SAP30L: variants seen among roughly 807,000 people sequenced by gnomAD.
SAP30L encodes the protein SAP30 like.
Under a neutral mutation model 22.3 loss-of-function variants are expected in SAP30L, and 10 were observed. That is an observed-to-expected ratio of 0.45 (90% CI 0.28 to 0.76). SAP30L has a LOEUF of 0.76. Among genes scored for constraint, SAP30L ranks in the 30% least tolerant of loss-of-function variants. The probability of loss-of-function intolerance (pLI) is 0.14; values close to 1 mark genes in which losing one functional copy is unlikely to be tolerated. For synonymous variants in SAP30L, 91 were observed against 94.1 expected (o/e 0.97, Z 0.19); for missense variants, 206 against 237.9 (o/e 0.87, Z 0.88).
At position 154,446,945 on chromosome 5, in the gene SAP30L, C is replaced by T. The variant is rs905828624; in HGVS notation, c.201+140C>T. The T allele has an allele frequency of 7.6e-6, 5 of 658,034 alleles. No individual in the cohort carries two copies. In the Admixed American group the frequency reaches 9.2e-5, roughly 12 times the overall value. 40.8% of individuals were successfully genotyped at this position (658,034 alleles called of 1,614,324 possible). On this transcript the variant is annotated intron_variant, in intron 1 of 3. Transcript: ENST00000297109. ...CTCTGCAGAACTGAGTTGGACTCCG[C>T]ATTTCAAAGGCCGCTCCAGCGCTGA...
intron 3 of SAP30L, among the ~76,000 whole-genome samples, chr5:154,454,610 C>A (rs1177358497): frequency 1.3e-5 from 2 of 152,102 alleles, no homozygotes; most frequent in Admixed American, 1.3e-4. Flanking sequence ...CTTGCTCGAC[C>A]GTCACTTTTT....
At position 154,456,080 on chromosome 5, in the gene SAP30L, T is replaced by C. The variant is rs1347275829; in HGVS notation, c.*52T>C. 1.5e-5 allele frequency: 24 copies of C among 1,574,164 alleles called. No individual in the cohort carries two copies. The highest frequency in any genetic ancestry group is 2.1e-5 in the Non-Finnish European group (24 of 1,158,470). ...AGTGTAATGCTTGATGCACAGGTGA[T>C]ATCTACTACATTTAAGCCCATAAAG... On this transcript the variant is annotated 3_prime_UTR_variant, in exon 4 of 4. Coordinates refer to ENST00000297109, the MANE Select transcript of SAP30L (RefSeq NM_024632.6).
At chr5:154,452,442 A>G in intron 2 of SAP30L, 1 of 983,266 alleles carries the variant, frequency 1.0e-6, no homozygotes, top group Non-Finnish European at 1.2e-6. Context: ...TTGATCATTC[A>G]TTTTGTTTTT....
At position 154,453,519 on chromosome 5, in the gene SAP30L, C is replaced by T; in HGVS notation, c.423+19C>T. On this transcript the variant is annotated intron_variant, in intron 3 of 3. Coordinates refer to ENST00000297109, the MANE Select transcript of SAP30L (RefSeq NM_024632.6). ...AGCAGAAGTAGGTAGACAAAATTGC[C>T]CTCTAAAGAGAGCCAGCATTGTGCT... 6.6e-7 allele frequency: 1 copy of T among 1,520,736 alleles called. No homozygotes were observed. The highest frequency in any genetic ancestry group is 9.1e-7 in the Non-Finnish European group (1 of 1,094,934). 94.2% of individuals were successfully genotyped at this position (1,520,736 alleles called of 1,614,324 possible).
chr5:154,452,074 A>G (rs1757153712), intron 2 of SAP30L, among the ~76,000 whole-genome samples: 2 of 152,148 alleles, frequency 1.3e-5, no homozygotes, highest in Non-Finnish European at 2.9e-5. Context: ...TTCACTCAAG[A>G]CTCAGCAAGA....
At chr5:154,447,824 A>G (rs1324936615) in intron 1 of SAP30L, among the ~76,000 whole-genome samples, 1 of 152,176 alleles carries the variant, frequency 6.6e-6, no homozygotes, top group African/African-American at 2.4e-5. Flanking sequence ...TGAGGGTGTC[A>G]GGTACACACA....
intron 1 of SAP30L, among the ~76,000 whole-genome samples, chr5:154,449,395 T>C (rs4958739): frequency 0.83 from 126,862 of 152,162 alleles, 53,438 homozygotes; most frequent in African/African-American, 0.94. Flanking sequence ...TTTTACCCAT[T>C]TAGAAAACGG....
Position 154,446,449 on chromosome 5 carries a change from G to C in SAP30L, c.-156G>C. On this transcript the variant is annotated 5_prime_UTR_variant, in exon 1 of 4. Transcript: ENST00000297109. ...CGGAGGGCCGGGGGCCGAGGGAGCC[G>C]GGCCTCTCGGACGCGGGGCAGGGCA... is the stretch of plus-strand genomic sequence containing the variant. 2 of 543,588 alleles carry C rather than the reference G, an allele frequency of 3.7e-6. No individual in the cohort carries two copies. Among genetic ancestry groups the C allele is most frequent in the Non-Finnish European group, 5.8e-6 (2 of 345,832 alleles). 33.7% of individuals were successfully genotyped at this position (543,588 alleles called of 1,614,324 possible).
intron 1 of SAP30L, among the ~76,000 whole-genome samples, chr5:154,450,507 T>C (rs1041685540): frequency 6.6e-6 from 1 of 152,216 alleles, no homozygotes; most frequent in African/African-American, 2.4e-5. Context: ...TCCAGTCGAC[T>C]ATAAGTTTAT....
rs763259538 is a variant in SAP30L at position 154,459,951 on chromosome 5, A to G, written c.*3923A>G. The G allele has an allele frequency of 1.3e-5, 2 of 152,162 alleles. No homozygotes were observed. Among genetic ancestry groups the G allele is most frequent in the Non-Finnish European group, 2.9e-5 (2 of 68,034 alleles). The allele number at this position is 152,162 out of a possible 1,614,324, so 9.4% of individuals were successfully genotyped here. ...AGTCTGTTAAGCTTGCTGTTGTCCA[A>G]TCATCCGTTTTTAGAGATGGGGAAA... is the stretch of plus-strand genomic sequence containing the variant. On this transcript the variant is annotated 3_prime_UTR_variant, in exon 4 of 4. Coordinates refer to ENST00000297109, the MANE Select transcript of SAP30L (RefSeq NM_024632.6).
At chr5:154,453,183 A>G (rs1757187880) in intron 2 of SAP30L, 2 of 468,200 alleles carry the variant, frequency 4.3e-6, no homozygotes, top group African/African-American at 1.9e-5. Context: ...CTTTTCCACC[A>G]GTTTTGTGAG....
At chr5:154,455,267 G>A (rs1448763538) in intron 3 of SAP30L, among the ~76,000 whole-genome samples, 1 of 152,082 alleles carries the variant, frequency 6.6e-6, no homozygotes, top group Non-Finnish European at 1.5e-5. Flanking sequence ...CTGTCTCCTA[G>A]GCTGGGGTGC....
chr5:154,449,323 C>G (rs1356506375), intron 1 of SAP30L, among the ~76,000 whole-genome samples: 1 of 151,514 alleles, frequency 6.6e-6, no homozygotes, highest in African/African-American at 2.4e-5. Context: ...AAGACATGTA[C>G]TGGGGGGGCA....
At chr5:154,448,185 A>G (rs545162395) in intron 1 of SAP30L, among the ~76,000 whole-genome samples, 1 of 152,060 alleles carries the variant, frequency 6.6e-6, no homozygotes, top group Non-Finnish European at 1.5e-5. Flanking sequence ...CATGTTGGAC[A>G]GGCTGGTCTT....
intron 1 of SAP30L, among the ~76,000 whole-genome samples, chr5:154,450,039 T>A (rs983934261): frequency 6.6e-6 from 1 of 152,168 alleles, no homozygotes; most frequent in Non-Finnish European, 1.5e-5. Flanking sequence ...TACTTTTATC[T>A]TTAAGGATTT....
intron 1 of SAP30L, among the ~76,000 whole-genome samples, chr5:154,448,031 A>G (rs1463522495): frequency 8.1e-6 from 1 of 123,724 alleles, no homozygotes; most frequent in Non-Finnish European, 1.6e-5. Flanking sequence ...GCTGGAGTGC[A>G]GTGGCAAGAT....
chr5:154,453,978 C>T (rs1757209934), intron 3 of SAP30L, among the ~76,000 whole-genome samples: 1 of 152,206 alleles, frequency 6.6e-6, no homozygotes, highest in East Asian at 1.9e-4. Context: ...CAGGTGCACA[C>T]CCCTATGCAC....
intron 3 of SAP30L, among the ~76,000 whole-genome samples, chr5:154,453,842 T>C (rs1757205357): frequency 6.6e-6 from 1 of 152,236 alleles, no homozygotes; most frequent in Non-Finnish European, 1.5e-5. Context: ...TTTTGTTTTT[T>C]TGGAGACAAG....
chr5:154,451,027 A>AC, intron 1 of SAP30L, 64 bp from the exon 2 acceptor site: 1 of 1,581,742 alleles, frequency 6.3e-7, no homozygotes, highest in Non-Finnish European at 8.7e-7. Context: ...CCGCAATTCG[A>AC]CAGATACCTA....
Sources: gnomAD v4.1 joint callset for allele counts (sites outside exome capture counted in the v4.1 genomes callset) on GRCh38, gnomAD v4.1.1 for gene constraint, MANE v1.5 for transcripts, NCBI Gene and HGNC (gene_info 2026-07-23, HGNC 2026-07-21) for gene names.